The following RBFOX1 variants were observed in gnomAD, a reference collection of about 807,000 sequenced individuals.
The protein encoded by RBFOX1 is RNA binding protein fox-1 homolog 1.
RBFOX1 carries 8 observed loss-of-function variants against 57.7 expected under a neutral mutation model. The ratio of observed to expected loss-of-function variants is 0.14; its 90% confidence interval spans 0.08 to 0.25. The LOEUF is 0.25. RBFOX1 is among the 10% of genes least tolerant of loss of function. The pLI, the probability that RBFOX1 is intolerant of heterozygous loss-of-function variation, is 1.00. For missense variants in RBFOX1, 611 were observed against 548.5 expected, an observed-to-expected ratio of 1.11 and a Z score of -1.14; for synonymous variants, 326 against 222.4, an observed-to-expected ratio of 1.47 and a Z score of -4.15.
chr16:6,997,206 G>A (rs928922908), intron 3 of RBFOX1, among the ~76,000 whole-genome samples: 4 of 151,972 alleles, frequency 2.6e-5, no homozygotes, highest in African/African-American at 9.7e-5. Flanking sequence ...TAACTTTAAG[G>A]TTTCTTAAGA....
chr16:5,920,134 C>G (rs144231293), intron 4 of RBFOX1, among the ~76,000 whole-genome samples: 1 of 152,120 alleles, frequency 6.6e-6, no homozygotes, highest in Non-Finnish European at 1.5e-5. Flanking sequence ...CGGGATTTCA[C>G]CGCGTTAGCC....
chr16:6,775,046 C>G (rs917551486), intron 3 of RBFOX1, among the ~76,000 whole-genome samples: 2 of 151,708 alleles, frequency 1.3e-5, no homozygotes, highest in African/African-American at 4.8e-5. Context: ...GTAGACAAGG[C>G]AGGGCGCAGT....
chr16:6,648,590 C>G (rs537148598), intron 2 of RBFOX1, among the ~76,000 whole-genome samples: 33 of 152,304 alleles, frequency 2.2e-4, no homozygotes, highest in African/African-American at 7.5e-4. Context: ...AGTCCACTGC[C>G]ACATCCCCTG....
chr16:6,250,093 A>C (rs956925127), intron 1 of RBFOX1, among the ~76,000 whole-genome samples: 1 of 152,158 alleles, frequency 6.6e-6, no homozygotes, highest in African/African-American at 2.4e-5. Context: ...AGCCCCTTGC[A>C]GATAAGGCAT....
intron 4 of RBFOX1, among the ~76,000 whole-genome samples, chr16:7,092,081 C>G (rs919420563): frequency 6.6e-6 from 1 of 152,156 alleles, no homozygotes; most frequent in African/African-American, 2.4e-5. Context: ...TGCTGGAACA[C>G]TGGTTAAACT....
chr16:6,531,011 C>A (rs1382236338), intron 2 of RBFOX1, among the ~76,000 whole-genome samples: 1 of 152,168 alleles, frequency 6.6e-6, no homozygotes, highest in Non-Finnish European at 1.5e-5. Context: ...ATCGCACAGG[C>A]CATTGTCCCC....
At chr16:6,088,867 C>G (rs1030458786) in intron 1 of RBFOX1, among the ~76,000 whole-genome samples, 4 of 151,972 alleles carry the variant, frequency 2.6e-5, no homozygotes, top group African/African-American at 4.8e-5. Flanking sequence ...GAGACCAAGG[C>G]GGGCATATCA....
chr16:7,696,427 G>A (rs562570828), intron 14 of RBFOX1, among the ~76,000 whole-genome samples: 18 of 152,234 alleles, frequency 1.2e-4, no homozygotes, highest in Middle Eastern at 6.8e-3. Flanking sequence ...GGAGGTCTCC[G>A]TCTGTGATTC....
At chr16:7,134,788 G>A (rs1249436344) in intron 4 of RBFOX1, among the ~76,000 whole-genome samples, 1 of 152,170 alleles carries the variant, frequency 6.6e-6, no homozygotes, top group African/African-American at 2.4e-5. Flanking sequence ...ACAGGCTTCT[G>A]AGTTAATGTT....
intron 1 of RBFOX1, among the ~76,000 whole-genome samples, chr16:6,276,518 T>C (rs1032217889): frequency 6.6e-6 from 1 of 152,124 alleles, no homozygotes; most frequent in African/African-American, 2.4e-5. Flanking sequence ...TTTTTTGTAT[T>C]TTTTAGTAGA....
At chr16:5,861,788 T>C (rs1054582132) in intron 3 of RBFOX1, among the ~76,000 whole-genome samples, 2 of 152,172 alleles carry the variant, frequency 1.3e-5, no homozygotes, top group African/African-American at 4.8e-5. Flanking sequence ...AAGGATGTTG[T>C]TGCCCTTTCT....
At chr16:6,619,309 G>T (rs544845300) in intron 2 of RBFOX1, among the ~76,000 whole-genome samples, 6 of 151,982 alleles carry the variant, frequency 3.9e-5, no homozygotes, top group Non-Finnish European at 7.4e-5. Flanking sequence ...TATAACTCTC[G>T]TTTGCATATC....
chr16:6,205,816 C>T (rs1345707789), intron 1 of RBFOX1, among the ~76,000 whole-genome samples: 3 of 147,034 alleles, frequency 2.0e-5, no homozygotes, highest in Non-Finnish European at 3.0e-5. Context: ...TAAGTACATT[C>T]ACAAATATTT....
chr16:7,636,662 T>C (rs918014922), intron 11 of RBFOX1, among the ~76,000 whole-genome samples: 2 of 152,214 alleles, frequency 1.3e-5, no homozygotes, highest in Admixed American at 6.5e-5. Flanking sequence ...TGGGCTGCTA[T>C]AACAAAATAC....
intron 3 of RBFOX1, among the ~76,000 whole-genome samples, chr16:6,771,389 G>A (rs555175621): frequency 3.3e-5 from 5 of 152,054 alleles, no homozygotes; most frequent in African/African-American, 1.2e-4. Context: ...TCTTTCTGAC[G>A]CCTAAGTCAG....
intron 1 of RBFOX1, among the ~76,000 whole-genome samples, chr16:5,293,937 T>G (rs2063598142): frequency 6.6e-6 from 1 of 152,098 alleles, no homozygotes; most frequent in East Asian, 1.9e-4. Context: ...TTTGCCTCAG[T>G]AAAAAGTACT....
intron 3 of RBFOX1, among the ~76,000 whole-genome samples, chr16:5,821,744 C>T (rs146478790): frequency 3.3e-5 from 5 of 152,218 alleles, no homozygotes; most frequent in African/African-American, 9.6e-5. Flanking sequence ...GTGGGAAGTC[C>T]AAGGTCAAGG....
At chr16:6,237,244 G>C (rs530117780) in intron 1 of RBFOX1, among the ~76,000 whole-genome samples, 1 of 152,196 alleles carries the variant, frequency 6.6e-6, no homozygotes, top group Non-Finnish European at 1.5e-5. Flanking sequence ...GCAGAAGGCT[G>C]TTGTTCTGGA....
At chr16:5,726,774 T>G (rs2151549066) in intron 3 of RBFOX1, among the ~76,000 whole-genome samples, 1 of 152,362 alleles carries the variant, frequency 6.6e-6, no homozygotes, top group African/African-American at 2.4e-5. Context: ...ATTTTAATAT[T>G]ATTGTTCGCT....
Sources: gnomAD v4.1 joint callset for allele counts (sites outside exome capture counted in the v4.1 genomes callset) on GRCh38, gnomAD v4.1.1 for gene constraint, MANE v1.5 for transcripts, NCBI Gene and HGNC (gene_info 2026-07-23, HGNC 2026-07-21) for gene names.